Variants in SPATS2L observed in about 807,000 individuals in gnomAD.
SPATS2L encodes SPATS2-like protein.
In SPATS2L, 30 loss-of-function variants were observed where a neutral mutation model predicts 59.6. The observed-to-expected ratio is 0.50, with a 90% CI of 0.38 to 0.68. The LOEUF is 0.68. Ranked by LOEUF, SPATS2L falls within the 30% of genes least tolerant of loss-of-function variation. The pLI, the probability that SPATS2L is intolerant of heterozygous loss-of-function variation, is 0.00. For synonymous variants in SPATS2L, 252 were observed against 263.5 expected (o/e 0.96, Z 0.42); for missense variants, 615 against 700.0 (o/e 0.88, Z 1.37).
At chr2:200,324,398 G>A (rs148815988) in intron 1 of SPATS2L, among the ~76,000 whole-genome samples, 1 of 152,302 alleles carries the variant, frequency 6.6e-6, no homozygotes, top group South Asian at 2.1e-4. Flanking sequence ...GAGCATGCCA[G>A]GTGGTGAGGG....
In SPATS2L at chr2:200,440,726, G is replaced by T. The variant is rs2084639689; in HGVS notation, c.730G>T (p.Glu244Ter). ...SLTRYRVMIKEEVDSSVKKIK... is the reference protein window; with the variant it reads ...SLTRYRVMIK ...AACTAGATATCGCGTCATGATTAAG[G>T]AAGAAGTGGATAGTTCCGTGAAGAA... The change falls in exon 8 of 13, where the codon GAA (glutamate) becomes TAA (stop). Residue 244 changes from glutamate (E) to a stop codon, truncating the protein, a stop_gained. Coordinates refer to ENST00000409140, the MANE Select transcript of SPATS2L (RefSeq NM_001100423.2). LOFTEE classifies it high-confidence loss of function. 6.2e-7 allele frequency: 1 copy of T among 1,613,584 alleles called. No individual in the cohort carries two copies. Among genetic ancestry groups the T allele is most frequent in the Non-Finnish European group, 8.5e-7 (1 of 1,179,694 alleles).
At chr2:200,329,391 T>G in intron 1 of SPATS2L, 40 bp from the exon 2 acceptor site, 1 of 1,533,728 alleles carries the variant, frequency 6.5e-7, no homozygotes, top group Non-Finnish European at 8.8e-7. Flanking sequence ...GGCTACTAAT[T>G]TGAGACCTGC....
intron 6 of SPATS2L, among the ~76,000 whole-genome samples, chr2:200,428,442 A>T (rs1360994465): frequency 6.6e-6 from 1 of 151,904 alleles, no homozygotes; most frequent in East Asian, 1.9e-4. Flanking sequence ...TTCCCTTTGG[A>T]GGTCATTCTT....
At chr2:200,311,002 G>C (rs761278773) in intron 1 of SPATS2L, among the ~76,000 whole-genome samples, 1 of 152,152 alleles carries the variant, frequency 6.6e-6, no homozygotes, top group Non-Finnish European at 1.5e-5. Context: ...TTCTCAACTA[G>C]ATAGTAAGGC....
chr2:200,450,344 C>A (rs1166657311), intron 8 of SPATS2L, among the ~76,000 whole-genome samples: 1 of 152,132 alleles, frequency 6.6e-6, no homozygotes, highest in African/African-American at 2.4e-5. Flanking sequence ...TCCCTTCCAA[C>A]TTTCTGTTTA....
rs2082105298 is a variant in SPATS2L at position 200,389,515 on chromosome 2, AGAAG to A, written c.39+233_39+236del. The A allele has an allele frequency of 9.4e-6, 4 of 425,858 alleles. No homozygotes were observed. The East Asian group carries it at 1.2e-4, about 12-fold the overall frequency. The allele number at this position is 425,858 out of a possible 1,614,324, so 26.4% of individuals were successfully genotyped here. On this transcript the variant is annotated intron_variant, in intron 3 of 12. Transcript: ENST00000409140. Reference sequence around the variant, plus strand: ...TTTACTCTTGACCATAACCCCATAAAGAAGATACTGTTGTTATTTCCATTTTACA... The same window carrying A: ...TTTACTCTTGACCATAACCCCATAAAATACTGTTGTTATTTCCATTTTACA...
chr2:200,316,688 T>C (rs1574375348), intron 1 of SPATS2L, among the ~76,000 whole-genome samples: 1 of 152,292 alleles, frequency 6.6e-6, no homozygotes, highest in East Asian at 1.9e-4. Context: ...TTTGTGTTCT[T>C]GTGGAGGGAC....
chr2:200,383,791 A>T, intron 2 of SPATS2L: 1 of 733,964 alleles, frequency 1.4e-6, no homozygotes, highest in Non-Finnish European at 1.7e-6. Context: ...ATTTTGCATT[A>T]ATAACCTTGA....
intron 2 of SPATS2L, among the ~76,000 whole-genome samples, chr2:200,387,374 G>A (rs976046086): frequency 2.0e-5 from 3 of 152,238 alleles, no homozygotes; most frequent in Non-Finnish European, 4.4e-5. Flanking sequence ...CTGGAAGCAA[G>A]TATGCAGGGT....
chr2:200,343,350 C>A (rs1279665030), intron 2 of SPATS2L, among the ~76,000 whole-genome samples: 1 of 152,144 alleles, frequency 6.6e-6, no homozygotes, highest in East Asian at 1.9e-4. Context: ...ATCACCTAAT[C>A]GATTAAGGTG....
chr2:200,424,724 G>A (rs565567545), intron 6 of SPATS2L, among the ~76,000 whole-genome samples: 63 of 152,224 alleles, frequency 4.1e-4, no homozygotes, highest in African/African-American at 1.4e-3. Context: ...TTACCCCACT[G>A]GACACAATTC....
At chr2:200,394,773 C>T (rs2082280837) in intron 3 of SPATS2L, among the ~76,000 whole-genome samples, 1 of 152,138 alleles carries the variant, frequency 6.6e-6, no homozygotes, top group Non-Finnish European at 1.5e-5. Flanking sequence ...CTTCTAAAAA[C>T]AGAAACTTGG....
chr2:200,330,857 TTACTC>T (rs987780362), intron 2 of SPATS2L, among the ~76,000 whole-genome samples: 1 of 152,198 alleles, frequency 6.6e-6, no homozygotes, highest in Admixed American at 6.5e-5. Context: ...CTGCAAAAGA[TTACTC>T]TAATCATGTG....
At chr2:200,336,826 C>T (rs916822159) in intron 2 of SPATS2L, among the ~76,000 whole-genome samples, 6 of 152,170 alleles carry the variant, frequency 3.9e-5, no homozygotes, top group Admixed American at 1.3e-4. Context: ...ATATTGTCCC[C>T]TTTGGATCAT....
chr2:200,347,100 C>T (rs1195434415), intron 2 of SPATS2L, among the ~76,000 whole-genome samples: 4 of 152,176 alleles, frequency 2.6e-5, no homozygotes, highest in Non-Finnish European at 4.4e-5. Flanking sequence ...ATATGCCATT[C>T]TTCCTTTATA....
chr2:200,411,808 T>C (rs999862076), intron 3 of SPATS2L, among the ~76,000 whole-genome samples: 5 of 152,246 alleles, frequency 3.3e-5, no homozygotes, highest in Non-Finnish European at 7.3e-5. Flanking sequence ...ATGCTCCACA[T>C]TTTTGTATCT....
At chr2:200,376,944 C>T (rs980861220) in intron 2 of SPATS2L, among the ~76,000 whole-genome samples, 8 of 152,188 alleles carry the variant, frequency 5.3e-5, no homozygotes, top group Admixed American at 2.6e-4. Context: ...GTTTCAAGGG[C>T]CGGCTCCGTT....
chr2:200,456,309 G>A (rs528112165), intron 8 of SPATS2L, among the ~76,000 whole-genome samples: 4 of 152,304 alleles, frequency 2.6e-5, no homozygotes, highest in Admixed American at 6.5e-5. Flanking sequence ...GAATTACTAC[G>A]ATGCTTGCAG....
At position 200,394,181 on chromosome 2, in the gene SPATS2L, C is replaced by T. The variant is rs568469637; in HGVS notation, c.39+4898C>T. 2.3e-4 allele frequency among the ~76,000 whole-genome samples: 35 copies of T among 152,294 alleles called. No homozygotes were observed. In the South Asian group the frequency reaches 2.5e-3, roughly 11 times the overall value. ...GGTTGCAATCAGAGTCTGGTCTCTTCGGCATAACATACATCCCCTGCATGA... is the reference window on the plus strand; with the variant it reads ...GGTTGCAATCAGAGTCTGGTCTCTTTGGCATAACATACATCCCCTGCATGA... On this transcript the variant is annotated intron_variant, in intron 3 of 12. Coordinates refer to ENST00000409140, the MANE Select transcript of SPATS2L (RefSeq NM_001100423.2).
Sources: allele counts gnomAD v4.1 joint callset (sites outside exome capture counted in the v4.1 genomes callset), GRCh38; gene constraint gnomAD v4.1.1; transcripts MANE v1.5; gene names NCBI Gene and HGNC (gene_info 2026-07-23, HGNC 2026-07-21).